PARD6G: variants seen among roughly 807,000 people sequenced by gnomAD.
PARD6G encodes the protein partitioning defective 6 homolog gamma.
A neutral mutation model predicts 10.7 loss-of-function variants in PARD6G; 7 were observed. The ratio of observed to expected loss-of-function variants is 0.66; its 90% CI spans 0.37 to 1.23. PARD6G has a LOEUF of 1.23. Ranked by LOEUF, PARD6G falls within the 50% of genes most tolerant of loss-of-function variation. The pLI, the probability that PARD6G is intolerant of heterozygous loss-of-function variation, is 0.02. For synonymous variants in PARD6G, 287 were observed against 269.4 expected (o/e 1.07, Z -0.64); for missense variants, 548 against 571.8 (o/e 0.96, Z 0.42).
At chr18:80,238,589 C>T (rs545885363) in intron 1 of PARD6G, among the ~76,000 whole-genome samples, 3 of 151,978 alleles carry the variant, frequency 2.0e-5, no homozygotes, top group African/African-American at 4.8e-5. Context: ...GTGGTTACCT[C>T]GGGGGTAGGT....
chr18:80,225,805 C>T (rs1000894982), intron 1 of PARD6G, among the ~76,000 whole-genome samples: 1 of 151,974 alleles, frequency 6.6e-6, no homozygotes, highest in Non-Finnish European at 1.5e-5. Flanking sequence ...ATGTACAACA[C>T]ATACAAAGAG....
intron 1 of PARD6G, among the ~76,000 whole-genome samples, chr18:80,210,924 T>C (rs1287893496): frequency 7.1e-6 from 1 of 140,252 alleles, no homozygotes; most frequent in Non-Finnish European, 1.5e-5. Context: ...TCACTAGTCA[T>C]TCCTTTGAGT....
chr18:80,241,557 A>C (rs1383460308), intron 1 of PARD6G, among the ~76,000 whole-genome samples: 1 of 152,182 alleles, frequency 6.6e-6, no homozygotes, highest in Non-Finnish European at 1.5e-5. Flanking sequence ...CCTGGCACAT[A>C]TATGCACGTA....
chr18:80,159,912 G>T lies in PARD6G; in HGVS notation c.990C>A (p.Gly330=). The T allele has an allele frequency of 6.6e-7, 1 of 1,515,682 alleles. No individual in the cohort carries two copies. 93.9% of individuals were successfully genotyped at this position (1,515,682 alleles called of 1,614,324 possible). Residue 330 remains glycine, a synonymous_variant, in exon 3 of 3, where the codon GGC becomes GGA. Coordinates refer to ENST00000353265, the MANE Select transcript of PARD6G (RefSeq NM_032510.4). ...AGSLSRVNGA[G]LAQRLQRDLA... ...GGTCCCGCTGCAGCCGCTGCGCCAG[G>T]CCCGCGCCATTGACCCGGGAGAGGC... is the stretch of plus-strand genomic sequence containing the variant.
rs1967160704 is a variant in PARD6G, at chr18:80,215,927, G to A, written c.73-12995C>T. Among the ~76,000 whole-genome samples, 3 of 152,054 alleles carry A rather than the reference G, an allele frequency of 2.0e-5. No individual in the cohort carries two copies. The South Asian group carries it at 6.2e-4, about 31-fold the overall frequency. ...GAAACAAATAGGTTGAAAGAAAGGG[G>A]ATGGAAATAAATATACCATGCAAAC... On this transcript the variant is annotated intron_variant, in intron 1 of 2. Transcript: ENST00000353265.
intron 1 of PARD6G, among the ~76,000 whole-genome samples, chr18:80,220,605 G>GT (rs1054496043): frequency 2.3e-4 from 34 of 148,658 alleles, no homozygotes; most frequent in East Asian, 1.8e-3. Context: ...TGCAATCTTT[G>GT]TTTTTTTTTT....
At position 80,188,454 on chromosome 18, in the gene PARD6G, A is replaced by G. The variant is rs577402220; in HGVS notation, c.295+14256T>C. 9.2e-5 allele frequency among the ~76,000 whole-genome samples: 14 copies of G among 152,222 alleles called. No individual in the cohort carries two copies. Among genetic ancestry groups the G allele is most frequent in the African/African-American group, 2.9e-4 (12 of 41,548 alleles). On this transcript the variant is annotated intron_variant, in intron 2 of 2. Transcript: ENST00000353265. This position sits in a 1 kb window ranked among gnomAD's most constrained non-coding sequence, Gnocchi z 5.4. ...CTCCTCATGGTGCCTTCCACCTGCAATTCCCGTCCTGGGCAGCAGAAGTTG... is the reference window on the plus strand; with the variant it reads ...CTCCTCATGGTGCCTTCCACCTGCAGTTCCCGTCCTGGGCAGCAGAAGTTG...
intron 1 of PARD6G, among the ~76,000 whole-genome samples, chr18:80,213,441 A>G (rs1413184142): frequency 1.3e-5 from 2 of 152,198 alleles, no homozygotes; most frequent in African/African-American, 4.8e-5. Context: ...CTGTGTCCCA[A>G]CAGATATAGA....
At chr18:80,245,338 C>T (rs1489925702) in intron 1 of PARD6G, among the ~76,000 whole-genome samples, 9 of 152,148 alleles carry the variant, frequency 5.9e-5, no homozygotes, top group Non-Finnish European at 1.0e-4. Context: ...GAGTCTTTAA[C>T]GCTCATGTTA....
At chr18:80,225,358 C>T (rs1416232603) in intron 1 of PARD6G, among the ~76,000 whole-genome samples, 2 of 152,238 alleles carry the variant, frequency 1.3e-5, no homozygotes, top group East Asian at 1.9e-4. Flanking sequence ...ATTTCCATCA[C>T]TCATGCAAAG....
chr18:80,221,740 A>T (rs1967232768), intron 1 of PARD6G, among the ~76,000 whole-genome samples: 1 of 152,248 alleles, frequency 6.6e-6, no homozygotes, highest in African/African-American at 2.4e-5. Context: ...ATTGGAATGG[A>T]AGAAGTTAAA....
Position 80,160,219 on chromosome 18 carries a change from G to C in PARD6G, c.683C>G (p.Thr228Arg). The C allele has an allele frequency of 6.2e-7, 1 of 1,613,216 alleles. No homozygotes were observed. Among genetic ancestry groups the C allele is most frequent in the Non-Finnish European group, 8.5e-7 (1 of 1,179,866 alleles). ...EVNGIEVAGKTLDQVTDMMIA... is the reference protein window; with the variant it reads ...EVNGIEVAGKRLDQVTDMMIA... ...CATCATGTCCGTGACCTGGTCCAGC[G>C]TCTTCCCGGCCACCTCAATGCCGTT... The change falls in exon 3 of 3, where the codon ACG becomes AGG. Residue 228 changes from threonine to arginine, a missense_variant. By Grantham distance (71) the Thr-to-Arg change is moderately conservative. Coordinates refer to ENST00000353265, the MANE Select transcript of PARD6G (RefSeq NM_032510.4).
chr18:80,182,959 G>A lies in PARD6G; in HGVS notation c.295+19751C>T, dbSNP rs1001529767. The A allele has an allele frequency of 2.6e-5, 16 of 617,410 alleles. No homozygotes were observed. The highest frequency in any genetic ancestry group is 1.7e-4 in the African/African-American group (9 of 54,540). 38.2% of individuals were successfully genotyped at this position (617,410 alleles called of 1,614,324 possible). A position where few individuals can be genotyped will look rare whatever the true frequency, so the allele number is the denominator to read the frequency against. On this transcript the variant is annotated intron_variant, in intron 2 of 2. Transcript: ENST00000353265. This position sits in a 1 kb window ranked among gnomAD's most constrained non-coding sequence, Gnocchi z 4.5. Reference sequence around the variant, plus strand: ...CAGGCCCCACACCACGCAGCCAGACGCCCCTCCCAGTCCTCCTTCGTCCTG... The same window carrying A: ...CAGGCCCCACACCACGCAGCCAGACACCCCTCCCAGTCCTCCTTCGTCCTG...
intron 1 of PARD6G, among the ~76,000 whole-genome samples, chr18:80,239,132 A>G (rs1967461365): frequency 6.6e-6 from 1 of 152,092 alleles, no homozygotes; most frequent in Non-Finnish European, 1.5e-5. Flanking sequence ...ACTGATGTGA[A>G]GGGAGAATAA....
At chr18:80,193,441 T>C (rs1966917875) in intron 2 of PARD6G, among the ~76,000 whole-genome samples, 1 of 152,184 alleles carries the variant, frequency 6.6e-6, no homozygotes, top group Non-Finnish European at 1.5e-5. Flanking sequence ...TTTGTAGAAA[T>C]TTATACTTTT....
In PARD6G at chr18:80,188,922, G is replaced by T. The variant is rs956460501; in HGVS notation, c.295+13788C>A. On this transcript the variant is annotated intron_variant, in intron 2 of 2. Transcript: ENST00000353265. This position sits in a 1 kb window ranked among gnomAD's most constrained non-coding sequence, Gnocchi z 5.4. ...GGGCATCTGAACACAAGAGTGACCT[G>T]GGGGGTGAATGCAGACATGGGAAGA... Among the ~76,000 whole-genome samples, 7 of 152,174 alleles carry T rather than the reference G, an allele frequency of 4.6e-5. No homozygotes were observed. Among genetic ancestry groups the T allele is most frequent in the Admixed American group, 2.0e-4 (3 of 15,276 alleles).
At chr18:80,230,962 A>G (rs1424176100) in intron 1 of PARD6G, among the ~76,000 whole-genome samples, 4 of 152,240 alleles carry the variant, frequency 2.6e-5, no homozygotes, top group Non-Finnish European at 5.9e-5. Flanking sequence ...CAAGGCTAGT[A>G]AATGAAGGAC....
intron 1 of PARD6G, among the ~76,000 whole-genome samples, chr18:80,220,457 C>T (rs1047585156): frequency 6.6e-6 from 1 of 151,916 alleles, no homozygotes; most frequent in Admixed American, 6.5e-5. Flanking sequence ...TTAGGTAAAA[C>T]TAAGGAAATC....
rs112228484 is a variant in PARD6G at position 80,231,384 on chromosome 18, T to G, written c.72+15893A>C. ...GGAAGAAAGTGGGGTCCCATTCCGA[T>G]GTGAGCTCATGATACATGGAGGAAT... On this transcript the variant is annotated intron_variant, in intron 1 of 2. Coordinates refer to ENST00000353265, the MANE Select transcript of PARD6G (RefSeq NM_032510.4). This position sits in a 1 kb window ranked among gnomAD's most constrained non-coding sequence, Gnocchi z 4.2. Among the ~76,000 whole-genome samples, 6 of 152,312 alleles carry G rather than the reference T, an allele frequency of 3.9e-5. No individual in the cohort carries two copies. Among genetic ancestry groups the G allele is most frequent in the African/African-American group, 1.4e-4 (6 of 41,568 alleles).
Sources: gnomAD v4.1 joint callset for allele counts (sites outside exome capture counted in the v4.1 genomes callset) on GRCh38, gnomAD v4.1.1 for gene constraint, Gnocchi (gnomAD v3.1) non-coding constraint, MANE v1.5 for transcripts, NCBI Gene and HGNC (gene_info 2026-07-23, HGNC 2026-07-21) for gene names.